The following OPHN1 variants were observed in gnomAD, a reference collection of about 807,000 sequenced individuals.
OPHN1 encodes oligophrenin 1.
Under a neutral mutation model 60.7 loss-of-function variants are expected in OPHN1, and 11 were observed. The ratio of observed to expected loss-of-function variants is 0.18; its 90% CI spans 0.11 to 0.30. OPHN1 has a LOEUF of 0.30. Ranked by LOEUF, OPHN1 falls within the 10% of genes least tolerant of loss-of-function variation. The pLI, the probability that OPHN1 is intolerant of heterozygous loss-of-function variation, is 1.00. For synonymous variants in OPHN1, 226 were observed against 222.6 expected, an observed-to-expected ratio of 1.02 and a Z score of -0.14; for missense variants, 449 against 611.0, an observed-to-expected ratio of 0.73 and a Z score of 2.80.
At chrX:68,218,442 C>T (rs1422954353) in intron 6 of OPHN1, among the ~76,000 whole-genome samples, 1 of 105,032 alleles carries the variant, frequency 9.5e-6, no homozygotes, top group African/African-American at 3.4e-5. Context: ...CACAAAGATA[C>T]TCCTTGAAAA....
In OPHN1 at chrX:68,044,367, G is replaced by T. The variant is rs758495573; in HGVS notation, c.*2805C>A. 4.4e-5 allele frequency: 5 copies of T among 112,364 alleles called. No homozygotes were observed. The highest frequency in any genetic ancestry group is 7.5e-5 in the Non-Finnish European group (4 of 53,272). 9.3% of individuals were successfully genotyped at this position (112,364 alleles called of 1,213,427 possible). On this transcript the variant is annotated 3_prime_UTR_variant, in exon 25 of 25. Coordinates refer to ENST00000355520, the MANE Select transcript of OPHN1 (RefSeq NM_002547.3). ...CTTGAGTTGTTTACTTTAGCCCCCT[G>T]GGCCATAATTTCTTTCTCTGTAAAA...
Position 68,119,183 on chromosome X carries a change from C to G in OPHN1, c.1361+65G>C, listed in dbSNP as rs184308091. On this transcript the variant is annotated intron_variant, in intron 16 of 24. Coordinates refer to ENST00000355520, the MANE Select transcript of OPHN1 (RefSeq NM_002547.3). ...CCTGGAACTGAGACCACGTTAACTC[C>G]GCTCAACACCCAGAGAAATTTCACC... 4.9e-6 allele frequency: 4 copies of G among 824,446 alleles called. No homozygotes were observed. The Admixed American group carries it at 6.8e-5, about 14-fold the overall frequency. The allele number at this position is 824,446 out of a possible 1,213,427, so 67.9% of individuals were successfully genotyped here.
At chrX:68,073,047 C>T in intron 20 of OPHN1, 105 bp downstream of exon 20, 2 of 947,762 alleles carry the variant, frequency 2.1e-6, no homozygotes, top group Non-Finnish European at 3.0e-6. Flanking sequence ...CAGGAAAGGT[C>T]TACTTTTATA....
At chrX:68,110,441 C>T (rs1233739944) in intron 18 of OPHN1, among the ~76,000 whole-genome samples, 2 of 111,525 alleles carry the variant, frequency 1.8e-5, no homozygotes, top group African/African-American at 6.5e-5. Context: ...CCTTGGGTCT[C>T]GTCACATGTT....
At chrX:68,061,768 C>T (rs1490547051) in intron 21 of OPHN1, among the ~76,000 whole-genome samples, 4 of 111,763 alleles carry the variant, frequency 3.6e-5, no homozygotes, top group Non-Finnish European at 7.5e-5. Context: ...TGAGTGATCA[C>T]ATCAGCATCA....
chrX:68,231,242 A>G (rs1004843613), intron 6 of OPHN1, among the ~76,000 whole-genome samples: 1 of 112,051 alleles, frequency 8.9e-6, no homozygotes, highest in Admixed American at 9.5e-5. Flanking sequence ...TTCCATGTAC[A>G]TATTAGGTTG....
At chrX:68,058,465 G>C (rs1183960693) in intron 21 of OPHN1, among the ~76,000 whole-genome samples, 1 of 111,788 alleles carries the variant, frequency 8.9e-6, no homozygotes, top group Non-Finnish European at 1.9e-5. Context: ...TTGTCAGAAG[G>C]CTTCATGGAC....
intron 5 of OPHN1, among the ~76,000 whole-genome samples, chrX:68,252,413 G>T (rs2077840630): frequency 9.0e-6 from 1 of 111,547 alleles, no homozygotes; most frequent in Non-Finnish European, 1.9e-5. Context: ...AAATTAAATC[G>T]CCATACATAT....
intron 2 of OPHN1, among the ~76,000 whole-genome samples, chrX:68,317,364 AAAGAAAGAAAGAAAGGAAGG>A (rs2078206183): frequency 1.5e-5 from 1 of 66,951 alleles, no homozygotes; most frequent in African/African-American, 7.6e-5. Flanking sequence ...AGAAAGAAAG[AAAGAAAGAAAGAAAGGAAGG>A]AAGGAAGGAA....
intron 23 of OPHN1, among the ~76,000 whole-genome samples, chrX:68,048,977 C>T (rs1221925069): frequency 1.8e-5 from 2 of 111,363 alleles, no homozygotes; most frequent in African/African-American, 3.3e-5. Flanking sequence ...CAGCTGGTCC[C>T]CAGGGCTATG....
intron 2 of OPHN1, among the ~76,000 whole-genome samples, chrX:68,427,341 C>T (rs2078865391): frequency 9.0e-6 from 1 of 110,812 alleles, no homozygotes; most frequent in South Asian, 3.8e-4. Context: ...GTCATTTACA[C>T]TAAAATAATG....
At chrX:68,127,588 C>T (rs901387587) in intron 15 of OPHN1, among the ~76,000 whole-genome samples, 2 of 111,457 alleles carry the variant, frequency 1.8e-5, no homozygotes, top group Non-Finnish European at 3.8e-5. Context: ...TGTACAGTTA[C>T]ACCTTTTGAG....
chrX:68,218,667 T>A (rs1406277470), intron 6 of OPHN1, among the ~76,000 whole-genome samples: 3 of 105,525 alleles, frequency 2.8e-5, no homozygotes, highest in Non-Finnish European at 5.8e-5. Context: ...GAATTTCATA[T>A]CCAGCCAAAC....
intron 2 of OPHN1, among the ~76,000 whole-genome samples, chrX:68,354,754 CAA>C (rs57233437): frequency 4.3e-5 from 2 of 46,546 alleles, no homozygotes. Context: ...GACTCCGTCT[CAA>C]AAAAAAAAAA....
rs138762148 is a variant in OPHN1, at chrX:68,178,564, C to T, written c.1276+14355G>A. 2.7e-3 allele frequency among the ~76,000 whole-genome samples: 294 copies of T among 110,755 alleles called. 1 individual carries two copies. The highest frequency in any genetic ancestry group is 9.1e-3 in the African/African-American group (277 of 30,489). ...GATTACAGGTGCGCACCACCACATC[C>T]AGTTAATTTTTGTATTTTTAATAGA... On this transcript the variant is annotated intron_variant, in intron 15 of 24. Transcript: ENST00000355520.
intron 2 of OPHN1, among the ~76,000 whole-genome samples, chrX:68,423,710 T>C (rs1341544121): frequency 8.9e-6 from 1 of 112,044 alleles, no homozygotes; most frequent in Non-Finnish European, 1.9e-5. Context: ...TTCTCACTTA[T>C]CCTAAGGTTT....
At chrX:68,079,162 G>A (rs1486465775) in intron 19 of OPHN1, among the ~76,000 whole-genome samples, 1 of 110,541 alleles carries the variant, frequency 9.0e-6, no homozygotes, top group Admixed American at 9.6e-5. Flanking sequence ...ATCTCTTCCT[G>A]TTTCTCAGGG....
rs185060732 is a variant in OPHN1, at chrX:68,371,049, C to T, written c.154+61818G>A. ...AATTACTTTAAATGTATGGTGTGAA[C>T]TCTGCAATACAAAGGCAGAGAGACC... is the stretch of plus-strand genomic sequence containing the variant. On this transcript the variant is annotated intron_variant, in intron 2 of 24. Coordinates refer to ENST00000355520, the MANE Select transcript of OPHN1 (RefSeq NM_002547.3). Among the ~76,000 whole-genome samples the T allele has an allele frequency of 2.0e-3, 219 of 110,947 alleles. 1 individual carries two copies. Among genetic ancestry groups the T allele is most frequent in the African/African-American group, 6.5e-3 (199 of 30,565 alleles).
chrX:68,045,200 C>T lies in OPHN1; in HGVS notation c.*1972G>A, dbSNP rs1292241597. 9.0e-6 allele frequency: 1 copy of T among 111,597 alleles called. No homozygotes were observed. Among genetic ancestry groups the T allele is most frequent in the Non-Finnish European group, 1.9e-5 (1 of 53,136 alleles). 9.2% of individuals were successfully genotyped at this position (111,597 alleles called of 1,213,427 possible). On this transcript the variant is annotated 3_prime_UTR_variant, in exon 25 of 25. Transcript: ENST00000355520. ...TCTTTTACTCCTGGTTTCTTAGCAA[C>T]CTGGCCTTTGAGACTGGGTACAGTG...
Sources: allele counts gnomAD v4.1 joint callset (sites outside exome capture counted in the v4.1 genomes callset), GRCh38; gene constraint gnomAD v4.1.1; transcripts MANE v1.5; gene names NCBI Gene and HGNC (gene_info 2026-07-23, HGNC 2026-07-21).